Variants in HSPG2 observed in about 807,000 individuals in gnomAD.
HSPG2 encodes the protein heparan sulfate proteoglycan 2.
In HSPG2, 278 loss-of-function variants were observed where a neutral mutation model predicts 526.6. The observed-to-expected ratio is 0.53, with a 90% CI of 0.48 to 0.58. The LOEUF (loss-of-function observed/expected upper bound fraction) is 0.58. Ranked by LOEUF, HSPG2 falls within the 20% of genes least tolerant of loss-of-function variation. The pLI, the probability that HSPG2 is intolerant of heterozygous loss-of-function variation, is 0.00. For missense variants in HSPG2, 5,354 were observed against 6,099.5 expected (o/e 0.88, Z 4.07); for synonymous variants, 2,465 against 2,555.4 (o/e 0.96, Z 1.07).
At position 21,881,516 on chromosome 1, in the gene HSPG2, G is replaced by A. The variant is rs1355871599; in HGVS notation, c.1655-14C>T. The A allele has an allele frequency of 6.2e-7, 1 of 1,607,042 alleles. No homozygotes were observed. Among genetic ancestry groups the A allele is most frequent in the Middle Eastern group, 2.2e-4 (1 of 4,502 alleles). ...TCACATTCACACCTGTGGGTGGCAA[G>A]GGGGAGGCTGAGGGCTGCAGCCTGG... On this transcript the variant is annotated splice_polypyrimidine_tract_variant and intron_variant, in intron 13 of 96. Transcript: ENST00000374695.
At chr1:21,882,743 T>C (rs2152757321) in intron 13 of HSPG2, among the ~76,000 whole-genome samples, 1 of 152,192 alleles carries the variant, frequency 6.6e-6, no homozygotes, top group South Asian at 2.1e-4. Context: ...GCAGCCGTCA[T>C]GGATGGAGAG....
At chr1:21,829,893 G>A (rs1414552067) in intron 86 of HSPG2, 100 bp downstream of exon 86, 16 of 1,058,976 alleles carry the variant, frequency 1.5e-5, no homozygotes, top group South Asian at 1.2e-4. Context: ...CTTGGGAATC[G>A]TTTTATCATC....
chr1:21,850,638 G>T (rs1638819474), intron 55 of HSPG2, 140 bp from the exon 56 acceptor site: 3 of 1,006,880 alleles, frequency 3.0e-6, no homozygotes, highest in Non-Finnish European at 4.2e-6. Flanking sequence ...GGGGAAGGGG[G>T]ACTCTTGTCC....
intron 33 of HSPG2, among the ~76,000 whole-genome samples, chr1:21,871,057 A>T (rs189300188): frequency 7.6e-4 from 115 of 152,098 alleles, no homozygotes; most frequent in African/African-American, 1.9e-3. Flanking sequence ...GGATAGGGCA[A>T]CCCCAACCCC....
rs16826031 is a variant in HSPG2 at position 21,904,953 on chromosome 1, T to G, written c.64-8643A>C. Among the ~76,000 whole-genome samples, 12,841 of 152,166 alleles carry G rather than the reference T, an allele frequency of 0.084. 1,319 individuals carry two copies. Among genetic ancestry groups the G allele is most frequent in the East Asian group, 0.25 (1,277 of 5,162 alleles). On this transcript the variant is annotated intron_variant, in intron 1 of 96. Coordinates refer to ENST00000374695, the MANE Select transcript of HSPG2 (RefSeq NM_005529.7). The surrounding 1 kb of genome is among the most constrained non-coding windows in gnomAD (Gnocchi z 4.4). ...GGTCACTGCCCACAGATTTCATGAA[T>G]GATGCCCCTTGCACAGTGCCAGGAC...
In HSPG2 at chr1:21,852,213, T is replaced by A; in HGVS notation, c.6745A>T (p.Ile2249Phe). 1 of 1,614,090 alleles carries A rather than the reference T, an allele frequency of 6.2e-7. No homozygotes were observed. The highest frequency in any genetic ancestry group is 8.5e-7 in the Non-Finnish European group (1 of 1,180,042). ...GCCACTGTGGAGGATGAAGACTCGA[T>A]CCTGACAGGTGGGATGGGTCCTGCA... ...VIPGPIPPVR[I>F]ESSSSTVAEG... Residue 2249 changes from isoleucine (I) to phenylalanine (F), a missense_variant, in exon 53 of 97, where the codon ATC (isoleucine) becomes TTC (phenylalanine). Coordinates refer to ENST00000374695, the MANE Select transcript of HSPG2 (RefSeq NM_005529.7).
chr1:21,848,843 G>A lies in HSPG2; in HGVS notation c.7586-49C>T, dbSNP rs1198907650. On this transcript the variant is annotated intron_variant, in intron 58 of 96. Transcript: ENST00000374695. The surrounding 1 kb of genome is among the most constrained non-coding windows in gnomAD (Gnocchi z 4.9). ...GGGTGTGGGAGCTGCTGAGGGTGCA[G>A]TCGGGGTCCCCCAGCCCTCCACCAT... The A allele has an allele frequency of 6.2e-7, 1 of 1,613,034 alleles. No homozygotes were observed. Among genetic ancestry groups the A allele is most frequent in the African/African-American group, 1.3e-5 (1 of 74,896 alleles).
At position 21,880,039 on chromosome 1, in the gene HSPG2, A is replaced by G. The variant is rs1389915215; in HGVS notation, c.2343+68T>C. 21 of 1,571,320 alleles carry G rather than the reference A, an allele frequency of 1.3e-5. No homozygotes were observed. In the Middle Eastern group the frequency reaches 5.1e-4, roughly 38 times the overall value. On this transcript the variant is annotated intron_variant, in intron 17 of 96. Coordinates refer to ENST00000374695, the MANE Select transcript of HSPG2 (RefSeq NM_005529.7). ...CTGGAGGCTTGTGCTGAGCTCATGA[A>G]CACAGGGAATCTCACACATTGTCCC...
At position 21,882,283 on chromosome 1, in the gene HSPG2, G is replaced by A. The variant is rs80234965; in HGVS notation, c.1655-781C>T. ...TCAGTTTCCTTATCTGTAAGATGGT[G>A]CTTAAAGTAGCCTGCCTCCTAGAGG... On this transcript the variant is annotated intron_variant, in intron 13 of 96. Coordinates refer to ENST00000374695, the MANE Select transcript of HSPG2 (RefSeq NM_005529.7). 6.3e-3 allele frequency among the ~76,000 whole-genome samples: 954 copies of A among 152,266 alleles called. 7 individuals carry two copies. The highest frequency in any genetic ancestry group is 0.021 in the African/African-American group (885 of 41,536).
In HSPG2 at chr1:21,828,735, G is replaced by A. The variant is rs1291208362; in HGVS notation, c.12237+100C>T. 6.0e-6 allele frequency: 9 copies of A among 1,505,714 alleles called. No individual in the cohort carries two copies. The highest frequency in any genetic ancestry group is 1.4e-5 in the African/African-American group (1 of 72,280). The allele number at this position is 1,505,714 out of a possible 1,614,324, so 93.3% of individuals were successfully genotyped here. A position where few individuals can be genotyped will look rare whatever the true frequency, so the allele number is the denominator to read the frequency against. On this transcript the variant is annotated intron_variant, in intron 88 of 96. Transcript: ENST00000374695. The surrounding 1 kb of genome is among the most constrained non-coding windows in gnomAD (Gnocchi z 6.0). ...CCTGGCCCAGGGCCCGTGGGTGGCT[G>A]CAGGTGGAGGGGCCCAATGCCAAGG...
At chr1:21,927,404 G>A (rs371288098) in intron 1 of HSPG2, among the ~76,000 whole-genome samples, 102 of 152,056 alleles carry the variant, frequency 6.7e-4, no homozygotes, top group Middle Eastern at 3.4e-3. Flanking sequence ...ATTTAGAGTC[G>A]AGCAGCCCCA....
At position 21,873,013 on chromosome 1, in the gene HSPG2, C is replaced by T; in HGVS notation, c.3872G>A (p.Gly1291Asp). The T allele has an allele frequency of 6.2e-7, 1 of 1,610,150 alleles. No individual in the cohort carries two copies. The highest frequency in any genetic ancestry group is 8.5e-7 in the Non-Finnish European group (1 of 1,179,812). Residue 1291 changes from glycine (G) to aspartate (D), a missense_variant, in exon 31 of 97, where the codon GGT becomes GAT. Coordinates refer to ENST00000374695, the MANE Select transcript of HSPG2 (RefSeq NM_005529.7). ...CGGACTGACCTTGCACTGGCACTGA[C>T]CAGCAGCATCACACTGGCTGCTGAC... ...GSVSSQCDAA[G>D]QCQCKAQVEG...
At chr1:21,850,830 T>A (rs192122782) in intron 55 of HSPG2, among the ~76,000 whole-genome samples, 7 of 152,322 alleles carry the variant, frequency 4.6e-5, no homozygotes, top group Non-Finnish European at 7.4e-5. Flanking sequence ...TCGCAATCAG[T>A]GGTATCCTAA....
chr1:21,908,701 T>C, intron 1 of HSPG2: 2 of 448,278 alleles, frequency 4.5e-6, no homozygotes, highest in Non-Finnish European at 3.9e-6. Context: ...TTGAAAGCCA[T>C]CAACTTAAAC....
At chr1:21,884,259 C>T (rs1160439758) in intron 13 of HSPG2, among the ~76,000 whole-genome samples, 1 of 152,192 alleles carries the variant, frequency 6.6e-6, no homozygotes, top group Non-Finnish European at 1.5e-5. Context: ...TGGACAGCGT[C>T]CACGTCAGGA....
Position 21,847,897 on chromosome 1 carries a change from G to A in HSPG2, c.7874-57C>T, listed in dbSNP as rs759646406. 17 of 1,613,550 alleles carry A rather than the reference G, an allele frequency of 1.1e-5. No individual in the cohort carries two copies. The highest frequency in any genetic ancestry group is 5.5e-5 in the South Asian group (5 of 91,078). ...AGAGTGAGATAACAGTGATGGCACCGGGGACCTCTCTGCCACCCTCTGCGC... is the reference window on the plus strand; with the variant it reads ...AGAGTGAGATAACAGTGATGGCACCAGGGACCTCTCTGCCACCCTCTGCGC... On this transcript the variant is annotated intron_variant, in intron 60 of 96. Transcript: ENST00000374695. The surrounding 1 kb of genome is among the most constrained non-coding windows in gnomAD (Gnocchi z 4.1).
In HSPG2 at chr1:21,887,473, T is replaced by C; in HGVS notation, c.905A>G (p.Tyr302Cys). The change falls in exon 8 of 97, where the codon TAC becomes TGC. Residue 302 changes from tyrosine (Y) to cysteine (C), a missense_variant. By Grantham distance (194) the Tyr-to-Cys change is radical. Coordinates refer to ENST00000374695, the MANE Select transcript of HSPG2 (RefSeq NM_005529.7). The surrounding 1 kb of genome is among the most constrained non-coding windows in gnomAD (Gnocchi z 5.0). The stretch of plus-strand genomic sequence containing the variant: ...GCAGTCCTCCTGTCCGTCGCAGAGG[T>C]AGTCTCTGGGGATGCAGTGCCCATT... ...CRNGHCIPRD[Y>C]LCDGQEDCED... The C allele has an allele frequency of 6.2e-7, 1 of 1,613,996 alleles. No homozygotes were observed. The highest frequency in any genetic ancestry group is 8.5e-7 in the Non-Finnish European group (1 of 1,179,986).
intron 1 of HSPG2, among the ~76,000 whole-genome samples, chr1:21,910,466 G>A (rs1475364640): frequency 2.0e-5 from 3 of 152,174 alleles, no homozygotes; most frequent in Admixed American, 1.3e-4. Flanking sequence ...CTCTGCCATC[G>A]ATCTTCTCTG....
At chr1:21,905,539 C>T (rs186828282) in intron 1 of HSPG2, among the ~76,000 whole-genome samples, 20 of 152,284 alleles carry the variant, frequency 1.3e-4, no homozygotes, top group Admixed American at 7.2e-4. Context: ...GTCAGGAGTT[C>T]GAGAGCAGCC....
Sources: allele counts gnomAD v4.1 joint callset (sites outside exome capture counted in the v4.1 genomes callset), GRCh38; gene constraint gnomAD v4.1.1; non-coding constraint Gnocchi (gnomAD v3.1); transcripts MANE v1.5; gene names NCBI Gene and HGNC (gene_info 2026-07-23, HGNC 2026-07-21).